The following ASTN1 variants were observed in gnomAD, a reference collection of about 807,000 sequenced individuals.
ASTN1 encodes astrotactin-1.
A neutral mutation model predicts 140.7 loss-of-function variants in ASTN1; 41 were observed. The ratio of observed to expected loss-of-function variants is 0.29; its 90% CI spans 0.23 to 0.38. The LOEUF is 0.38. Among genes scored for constraint, ASTN1 ranks in the 10% least tolerant of loss-of-function variants. The probability of loss-of-function intolerance (pLI) is 1.00; values close to 1 mark genes in which losing one functional copy is unlikely to be tolerated. For missense variants in ASTN1, 1,479 were observed against 1,678.8 expected (o/e 0.88, Z 2.08); for synonymous variants, 640 against 652.2 (o/e 0.98, Z 0.29).
At chr1:177,028,367 A>G (rs1676241160) in intron 5 of ASTN1, among the ~76,000 whole-genome samples, 1 of 152,154 alleles carries the variant, frequency 6.6e-6, no homozygotes, top group Non-Finnish European at 1.5e-5. Flanking sequence ...GCCATTCAAT[A>G]TTAGAATACC....
chr1:176,968,979 C>T (rs887214941), intron 8 of ASTN1, among the ~76,000 whole-genome samples: 1 of 152,024 alleles, frequency 6.6e-6, no homozygotes, highest in Admixed American at 6.6e-5. Flanking sequence ...GAGCTTGGTG[C>T]ACACAGGTAG....
intron 16 of ASTN1, among the ~76,000 whole-genome samples, chr1:176,899,963 C>T (rs1571479971): frequency 6.6e-6 from 1 of 152,240 alleles, no homozygotes; most frequent in East Asian, 1.9e-4. Context: ...ATAATAAGTG[C>T]CTTGGGGTCA....
At chr1:177,005,199 A>T (rs900325368) in intron 8 of ASTN1, among the ~76,000 whole-genome samples, 1 of 152,336 alleles carries the variant, frequency 6.6e-6, no homozygotes, top group South Asian at 2.1e-4. Context: ...ATTTAAAAAA[A>T]ATACAAATGG....
At chr1:177,112,208 T>C (rs1316615753) in intron 1 of ASTN1, among the ~76,000 whole-genome samples, 4 of 152,198 alleles carry the variant, frequency 2.6e-5, no homozygotes, top group East Asian at 3.9e-4. Context: ...CACTTAGGTG[T>C]TTGCATAGTC....
intron 9 of ASTN1, among the ~76,000 whole-genome samples, chr1:176,960,981 C>A (rs916959884): frequency 2.0e-5 from 3 of 152,094 alleles, no homozygotes; most frequent in Non-Finnish European, 4.4e-5. Flanking sequence ...ATGAGTTGTG[C>A]CTGTCTCTTC....
intron 1 of ASTN1, among the ~76,000 whole-genome samples, chr1:177,114,490 A>G (rs1680982069): frequency 6.6e-6 from 1 of 152,164 alleles, no homozygotes; most frequent in Non-Finnish European, 1.5e-5. Flanking sequence ...ATATGCAGTT[A>G]TAAAAAGTAA....
chr1:176,986,615 A>T (rs1377001298), intron 8 of ASTN1, among the ~76,000 whole-genome samples: 1 of 152,056 alleles, frequency 6.6e-6, no homozygotes, highest in African/African-American at 2.4e-5. Context: ...GTCACTCAGT[A>T]TAGTCTCACG....
At chr1:176,878,460 C>T (rs1404550284) in intron 20 of ASTN1, among the ~76,000 whole-genome samples, 2 of 152,016 alleles carry the variant, frequency 1.3e-5, no homozygotes, top group Non-Finnish European at 2.9e-5. Flanking sequence ...TACAGCTTCT[C>T]GGTGGCAATG....
intron 16 of ASTN1, among the ~76,000 whole-genome samples, chr1:176,912,219 C>T (rs1312903410): frequency 6.6e-6 from 1 of 152,190 alleles, no homozygotes; most frequent in Non-Finnish European, 1.5e-5. Flanking sequence ...CAAACTTTTT[C>T]TGTAAAGAAT....
At position 176,892,300 on chromosome 1, in the gene ASTN1, GAGA is replaced by G. The variant is rs1367025170; in HGVS notation, c.2940+2259_2940+2261del. 4.6e-5 allele frequency among the ~76,000 whole-genome samples: 7 copies of G among 152,310 alleles called. No individual in the cohort carries two copies. In the South Asian group the frequency reaches 1.5e-3, roughly 32 times the overall value. ...TGGGTGGTCTGTTAGGGAGACCAGT[GAGA>G]AGATTACTTTAATGGGATAGTAGCC... On this transcript the variant is annotated intron_variant, in intron 17 of 22. Coordinates refer to ENST00000361833, the MANE Select transcript of ASTN1 (RefSeq NM_004319.3).
intron 1 of ASTN1, among the ~76,000 whole-genome samples, chr1:177,080,338 G>A (rs946286661): frequency 2.7e-5 from 4 of 150,708 alleles, no homozygotes; most frequent in African/African-American, 9.8e-5. Flanking sequence ...TGAGCATCAG[G>A]CTTTTGTCCA....
intron 7 of ASTN1, among the ~76,000 whole-genome samples, chr1:177,017,495 G>A (rs186584631): frequency 2.6e-5 from 4 of 152,330 alleles, no homozygotes; most frequent in East Asian, 1.9e-4. Context: ...GAGGGGTTTC[G>A]TGAAAGCACA....
intron 20 of ASTN1, among the ~76,000 whole-genome samples, chr1:176,880,929 C>G (rs1668767917): frequency 1.3e-5 from 2 of 152,202 alleles, no homozygotes; most frequent in South Asian, 4.1e-4. Context: ...GTCAGCACTC[C>G]ATTAATGAAG....
chr1:176,961,791 G>A (rs977342533), intron 9 of ASTN1, among the ~76,000 whole-genome samples: 2 of 151,998 alleles, frequency 1.3e-5, no homozygotes, highest in Non-Finnish European at 2.9e-5. Context: ...GATTTGGCAG[G>A]AACAACTTCA....
chr1:177,062,033 C>T (rs1483074281), intron 1 of ASTN1, among the ~76,000 whole-genome samples: 6 of 152,044 alleles, frequency 3.9e-5, no homozygotes, highest in Non-Finnish European at 7.4e-5. Context: ...GACTATGCCC[C>T]TAGCACTGTA....
At chr1:177,125,614 A>G (rs1482799713) in intron 1 of ASTN1, among the ~76,000 whole-genome samples, 6 of 152,198 alleles carry the variant, frequency 3.9e-5, no homozygotes, top group Non-Finnish European at 7.3e-5. Context: ...ATAGGTATAT[A>G]AAACACTGTA....
At chr1:177,120,773 A>G (rs1488715990) in intron 1 of ASTN1, among the ~76,000 whole-genome samples, 2 of 152,158 alleles carry the variant, frequency 1.3e-5, no homozygotes, top group Non-Finnish European at 2.9e-5. Flanking sequence ...TGAGGAAGAT[A>G]TCTAGGCACT....
At chr1:177,089,447 G>A (rs546324368) in intron 1 of ASTN1, among the ~76,000 whole-genome samples, 56 of 152,238 alleles carry the variant, frequency 3.7e-4, no homozygotes, top group African/African-American at 1.1e-3. Flanking sequence ...AAAAGAGAGA[G>A]AGAGACGCAC....
intron 1 of ASTN1, among the ~76,000 whole-genome samples, chr1:177,147,410 T>A (rs1414054824): frequency 6.6e-6 from 1 of 152,126 alleles, no homozygotes. Context: ...AGAAACTGTC[T>A]GCCTTTAAGG....
Sources: gnomAD v4.1 joint callset for allele counts (sites outside exome capture counted in the v4.1 genomes callset) on GRCh38, gnomAD v4.1.1 for gene constraint, MANE v1.5 for transcripts, NCBI Gene and HGNC (gene_info 2026-07-23, HGNC 2026-07-21) for gene names.